Variants in JARID2 observed in about 807,000 individuals in gnomAD.
JARID2 encodes jumonji and AT-rich interaction domain containing 2, also known as protein Jumonji.
JARID2 carries 21 observed loss-of-function variants against 125.6 expected under a neutral mutation model. The ratio of observed to expected loss-of-function variants is 0.17; its 90% CI spans 0.12 to 0.24. The LOEUF is 0.24. Among genes scored for constraint, JARID2 ranks in the 10% least tolerant of loss-of-function variants. The pLI is 1.00. For synonymous variants in JARID2, 736 were observed against 661.6 expected (o/e 1.11, Z -1.73); for missense variants, 1,303 against 1,639.6 (o/e 0.79, Z 3.55).
chr6:15,488,725 C>T (rs1770001809), intron 6 of JARID2, among the ~76,000 whole-genome samples: 1 of 152,080 alleles, frequency 6.6e-6, no homozygotes, highest in Non-Finnish European at 1.5e-5. Context: ...CACATGTGAA[C>T]CTTTACCTAG....
chr6:15,482,705 G>A (rs1424565289), intron 5 of JARID2, among the ~76,000 whole-genome samples: 1 of 151,900 alleles, frequency 6.6e-6, no homozygotes, highest in Non-Finnish European at 1.5e-5. Context: ...GGTCTTTGTA[G>A]ATGATTTCAG....
At chr6:15,416,626 G>C (rs1766231647) in intron 3 of JARID2, among the ~76,000 whole-genome samples, 1 of 151,676 alleles carries the variant, frequency 6.6e-6, no homozygotes, top group Non-Finnish European at 1.5e-5. Flanking sequence ...GCAGTGAGCC[G>C]AGATGGCAGC....
intron 1 of JARID2, among the ~76,000 whole-genome samples, chr6:15,354,705 G>C (rs994178821): frequency 6.6e-6 from 1 of 152,140 alleles, no homozygotes; most frequent in Non-Finnish European, 1.5e-5. Context: ...ACAGTATATC[G>C]AATGCTACTT....
intron 4 of JARID2, among the ~76,000 whole-genome samples, chr6:15,463,011 A>T (rs1768525042): frequency 6.6e-6 from 1 of 152,224 alleles, no homozygotes; most frequent in Admixed American, 6.5e-5. Context: ...AAAAGTAATG[A>T]AATACGGCTT....
At chr6:15,448,479 C>A (rs928431092) in intron 3 of JARID2, among the ~76,000 whole-genome samples, 2 of 152,150 alleles carry the variant, frequency 1.3e-5, no homozygotes, top group Admixed American at 1.3e-4. Flanking sequence ...GCTGTAAACC[C>A]TTAACATCCT....
At chr6:15,401,115 G>C (rs1482403201) in intron 2 of JARID2, 1 of 1,285,518 alleles carries the variant, frequency 7.8e-7, no homozygotes, top group East Asian at 5.6e-5. Flanking sequence ...GGGTTTCCCT[G>C]CTGGGGTCCT....
intron 2 of JARID2, among the ~76,000 whole-genome samples, chr6:15,378,223 C>G (rs1385586237): frequency 3.5e-5 from 5 of 142,504 alleles, no homozygotes; most frequent in South Asian, 2.2e-4. Context: ...TTGGTTAGTT[C>G]CCAACCCAAA....
intron 1 of JARID2, among the ~76,000 whole-genome samples, chr6:15,329,655 C>T (rs951987312): frequency 6.6e-6 from 1 of 152,202 alleles, no homozygotes; most frequent in African/African-American, 2.4e-5. Context: ...GCCAGCCATT[C>T]GGATTTTATC....
chr6:15,357,966 T>G (rs1416414973), intron 1 of JARID2, among the ~76,000 whole-genome samples: 2 of 152,232 alleles, frequency 1.3e-5, no homozygotes, highest in Non-Finnish European at 2.9e-5. Flanking sequence ...GATGTTTTTG[T>G]GCTGGTGGTT....
chr6:15,330,485 T>A (rs530771965), intron 1 of JARID2, among the ~76,000 whole-genome samples: 2 of 152,182 alleles, frequency 1.3e-5, no homozygotes, highest in African/African-American at 4.8e-5. Flanking sequence ...TTTTCATTTT[T>A]TCTTCCAATA....
intron 5 of JARID2, among the ~76,000 whole-genome samples, chr6:15,483,139 G>A (rs1581627137): frequency 6.6e-6 from 1 of 152,150 alleles, no homozygotes; most frequent in Non-Finnish European, 1.5e-5. Context: ...AACTAAGTCC[G>A]AAGAACTATA....
intron 4 of JARID2, among the ~76,000 whole-genome samples, chr6:15,464,566 C>G (rs1226237582): frequency 6.6e-6 from 1 of 152,114 alleles, no homozygotes; most frequent in South Asian, 2.1e-4. Flanking sequence ...ACAGTGTTGT[C>G]CTTGTGGGGT....
intron 1 of JARID2, among the ~76,000 whole-genome samples, chr6:15,303,022 C>T (rs146155188): frequency 6.6e-6 from 1 of 152,254 alleles, no homozygotes; most frequent in Non-Finnish European, 1.5e-5. Flanking sequence ...CTGCACCTGG[C>T]CCAGGTGGTT....
chr6:15,417,770 A>G (rs1358542033), intron 3 of JARID2, among the ~76,000 whole-genome samples: 8 of 152,156 alleles, frequency 5.3e-5, no homozygotes, highest in African/African-American at 1.9e-4. Context: ...CGAATAAATA[A>G]ATAAAAAATT....
chr6:15,263,953 C>T (rs569250743), intron 1 of JARID2, among the ~76,000 whole-genome samples: 16 of 152,262 alleles, frequency 1.1e-4, no homozygotes, highest in African/African-American at 3.6e-4. Context: ...AGTGCCGTGA[C>T]GTGAACGCAG....
At chr6:15,352,602 T>TA (rs1381945956) in intron 1 of JARID2, among the ~76,000 whole-genome samples, 1 of 152,178 alleles carries the variant, frequency 6.6e-6, no homozygotes, top group Non-Finnish European at 1.5e-5. Context: ...CTTTCCACCT[T>TA]ACTCTCCCTT....
rs1761800453 is a variant in JARID2, at chr6:15,305,811, TTTAAA to T, written c.45+59229_45+59233del. Among the ~76,000 whole-genome samples the T allele has an allele frequency of 2.0e-5, 3 of 152,302 alleles. No individual in the cohort carries two copies. In the South Asian group the frequency reaches 6.2e-4, roughly 32 times the overall value. ...TGAGAGATGTATTATGTATTAACTG[TTTAAA>T]TAAAGTCCTGTGAATTCCTTGGACA... On this transcript the variant is annotated intron_variant, in intron 1 of 17. Coordinates refer to ENST00000341776, the MANE Select transcript of JARID2 (RefSeq NM_004973.4).
At chr6:15,369,239 C>T (rs1764079534) in intron 1 of JARID2, 1 of 346,832 alleles carries the variant, frequency 2.9e-6, no homozygotes, top group Non-Finnish European at 6.0e-6. Flanking sequence ...CTTGCAATGC[C>T]AAGTTGTGGC....
intron 2 of JARID2, among the ~76,000 whole-genome samples, chr6:15,406,833 T>G (rs1157814753): frequency 6.6e-6 from 1 of 152,222 alleles, no homozygotes; most frequent in Middle Eastern, 3.2e-3. Context: ...CTCTTTACAT[T>G]TATGCTTCTT....
Sources: allele counts gnomAD v4.1 joint callset (sites outside exome capture counted in the v4.1 genomes callset), GRCh38; gene constraint gnomAD v4.1.1; transcripts MANE v1.5; gene names NCBI Gene and HGNC (gene_info 2026-07-23, HGNC 2026-07-21).